Variants in GTF2H1 observed in about 807,000 individuals in gnomAD.
GTF2H1 encodes BTF2 p62.
GTF2H1 carries 16 observed loss-of-function variants against 71.2 expected under a neutral mutation model. The ratio of observed to expected loss-of-function variants is 0.22; its 90% CI spans 0.15 to 0.34. GTF2H1 has a LOEUF of 0.34. GTF2H1 is among the 10% of genes least tolerant of loss of function. The pLI, the probability that GTF2H1 is intolerant of heterozygous loss-of-function variation, is 1.00. For synonymous variants in GTF2H1, 215 were observed against 219.0 expected (o/e 0.98, Z 0.16); for missense variants, 498 against 648.2 (o/e 0.77, Z 2.52).
rs111496508 is a variant in GTF2H1, at chr11:18,323,501, G to A, written c.-16+761G>A. Among the ~76,000 whole-genome samples, 54 of 151,996 alleles carry A rather than the reference G, an allele frequency of 3.6e-4. 1 individual carries two copies. The highest frequency in any genetic ancestry group is 1.1e-3 in the African/African-American group (47 of 41,448). ...TTTTAGCATCAGTAAAATGGGGATG[G>A]GGAAAGAAGATATGAAAAATACACC... is the stretch of plus-strand genomic sequence containing the variant. On this transcript the variant is annotated intron_variant, in intron 1 of 14. Transcript: ENST00000265963.
At chr11:18,364,674 G>A (rs1003238270) in intron 14 of GTF2H1, among the ~76,000 whole-genome samples, 2 of 152,138 alleles carry the variant, frequency 1.3e-5, no homozygotes, top group African/African-American at 2.4e-5. Context: ...TCTACTCAAA[G>A]ATCTATAGTC....
At chr11:18,355,850 A>C (rs574035842) in intron 11 of GTF2H1, among the ~76,000 whole-genome samples, 2 of 152,322 alleles carry the variant, frequency 1.3e-5, no homozygotes, top group South Asian at 4.1e-4. Context: ...GCCACCAACA[A>C]AATCAAGATT....
chr11:18,344,859 T>A (rs1220286694), intron 7 of GTF2H1, among the ~76,000 whole-genome samples: 1 of 152,088 alleles, frequency 6.6e-6, no homozygotes, highest in Non-Finnish European at 1.5e-5. Flanking sequence ...TTAACTGATC[T>A]TCTACCTGCT....
At chr11:18,334,970 T>A (rs769433981) in intron 2 of GTF2H1, among the ~76,000 whole-genome samples, 37 of 152,082 alleles carry the variant, frequency 2.4e-4, no homozygotes, top group Middle Eastern at 3.4e-3. Context: ...TTTTTTATTT[T>A]AAAAAAAACG....
intron 11 of GTF2H1, among the ~76,000 whole-genome samples, chr11:18,354,500 T>G (rs952327326): frequency 6.6e-6 from 1 of 151,576 alleles, no homozygotes; most frequent in African/African-American, 2.4e-5. Flanking sequence ...GGCACAGTCA[T>G]AGCTCCGTTC....
chr11:18,362,986 A>AT (rs917277641), intron 14 of GTF2H1, among the ~76,000 whole-genome samples: 5 of 149,058 alleles, frequency 3.4e-5, no homozygotes, highest in Admixed American at 1.3e-4. Flanking sequence ...TCTATTTTTA[A>AT]TTTTTTTTTT....
In GTF2H1 at chr11:18,366,398, A is replaced by T. The variant is rs940447249; in HGVS notation, c.*529A>T. ...GGATCCTCAAGTTTTAATGAATTCCAATTATACCTTACATCAGCAAGTTAA... is the reference window on the plus strand; with the variant it reads ...GGATCCTCAAGTTTTAATGAATTCCTATTATACCTTACATCAGCAAGTTAA... On this transcript the variant is annotated 3_prime_UTR_variant, in exon 15 of 15. Transcript: ENST00000265963. The T allele has an allele frequency of 5.2e-5, 8 of 152,676 alleles. No individual in the cohort carries two copies. The highest frequency in any genetic ancestry group is 1.9e-4 in the African/African-American group (8 of 41,438). 9.5% of individuals were successfully genotyped at this position (152,676 alleles called of 1,614,324 possible).
intron 5 of GTF2H1, among the ~76,000 whole-genome samples, chr11:18,340,924 T>A (rs1449423470): frequency 6.6e-6 from 1 of 152,124 alleles, no homozygotes. Context: ...CCCCACAAGC[T>A]AACACAGTGC....
At chr11:18,352,218 T>G (rs555783211) in intron 10 of GTF2H1, 111 bp from the exon 11 acceptor site, 2 of 655,830 alleles carry the variant, frequency 3.0e-6, no homozygotes, top group Admixed American at 5.0e-5. Flanking sequence ...TCTTTACTTA[T>G]CGTTTCTTGC....
intron 14 of GTF2H1, among the ~76,000 whole-genome samples, chr11:18,364,964 T>C (rs573277711): frequency 4.3e-4 from 65 of 151,170 alleles, no homozygotes; most frequent in African/African-American, 1.6e-3. Flanking sequence ...GCACAGCAGC[T>C]CACGCCTGTA....
intron 5 of GTF2H1, among the ~76,000 whole-genome samples, chr11:18,340,496 C>T (rs573462300): frequency 9.2e-5 from 14 of 152,088 alleles, no homozygotes; most frequent in Admixed American, 3.3e-4. Flanking sequence ...CCCTGTTGGC[C>T]AGGCTGGTCT....
At chr11:18,339,514 C>T in intron 4 of GTF2H1, 50 bp from the exon 5 acceptor site, 2 of 1,281,992 alleles carry the variant, frequency 1.6e-6, no homozygotes, top group Non-Finnish European at 2.2e-6. Flanking sequence ...GGACCTGAGC[C>T]ATCTTTCCCT....
intron 1 of GTF2H1, among the ~76,000 whole-genome samples, chr11:18,326,789 C>T (rs1219723118): frequency 2.0e-5 from 3 of 152,144 alleles, no homozygotes; most frequent in Admixed American, 6.6e-5. Context: ...AATGAAGTAT[C>T]AACATACTTA....
At chr11:18,358,082 C>A (rs4150661) in intron 12 of GTF2H1, 40 bp downstream of exon 12, 975,554 of 1,410,804 alleles carry the variant, frequency 0.69, 342,544 homozygotes, top group East Asian at 0.96. Context: ...CTGCCTAAAT[C>A]AGCTTTAAAA....
rs2080005016 is a variant in GTF2H1, at chr11:18,338,201, T to C, written c.440T>C (p.Leu147Ser). 1 of 1,608,416 alleles carries C rather than the reference T, an allele frequency of 6.2e-7. No individual in the cohort carries two copies. The highest frequency in any genetic ancestry group is 1.3e-5 in the African/African-American group (1 of 74,808). ...ISAEEFWANR[L>S]NVNATDSSST... ...GCTGAGGAATTCTGGGCCAATCGTT[T>C]AAATGTGAATGCAACAGATAGTTCT... The change falls in exon 4 of 15, where the codon TTA (leucine) becomes TCA (serine). Residue 147 changes from leucine to serine, a missense_variant. Leu to Ser is a moderately radical substitution (Grantham distance 145, BLOSUM62 -2). Coordinates refer to ENST00000265963, the MANE Select transcript of GTF2H1 (RefSeq NM_005316.4).
chr11:18,347,728 T>C lies in GTF2H1; in HGVS notation c.965+13T>C, dbSNP rs1045412847. ...GACTCAGAAAACAGTTAAGTATAAA[T>C]GCAGAGGTGCAGTAACTGGGCTTTT... is the stretch of plus-strand genomic sequence containing the variant. On this transcript the variant is annotated intron_variant, in intron 8 of 14. Coordinates refer to ENST00000265963, the MANE Select transcript of GTF2H1 (RefSeq NM_005316.4). 1.2e-6 allele frequency: 2 copies of C among 1,611,648 alleles called. No individual in the cohort carries two copies. The highest frequency in any genetic ancestry group is 3.4e-5 in the Admixed American group (2 of 59,328).
chr11:18,329,862 C>T (rs1400611623), intron 1 of GTF2H1, among the ~76,000 whole-genome samples: 1 of 152,150 alleles, frequency 6.6e-6, no homozygotes, highest in Admixed American at 6.5e-5. Flanking sequence ...TTTCAAAAAA[C>T]ATGTTAAGCA....
At chr11:18,352,265 C>A in intron 10 of GTF2H1, 64 bp from the exon 11 acceptor site, 1 of 772,498 alleles carries the variant, frequency 1.3e-6, no homozygotes. Context: ...TAAAATGTTG[C>A]AAAGACAAAT....
intron 1 of GTF2H1, among the ~76,000 whole-genome samples, chr11:18,325,659 T>A (rs1864745681): frequency 6.6e-6 from 1 of 151,866 alleles, no homozygotes; most frequent in Non-Finnish European, 1.5e-5. Flanking sequence ...GCTGGTAACT[T>A]TGAAGCTTAA....
Sources: gnomAD v4.1 joint callset for allele counts (sites outside exome capture counted in the v4.1 genomes callset) on GRCh38, gnomAD v4.1.1 for gene constraint, MANE v1.5 for transcripts, NCBI Gene and HGNC (gene_info 2026-07-23, HGNC 2026-07-21) for gene names.